NTN1: variants seen among roughly 807,000 people sequenced by gnomAD.
The protein encoded by NTN1 is netrin 1, also known as netrin-1.
In NTN1, 11 loss-of-function variants were observed where a neutral mutation model predicts 54.2. The ratio of observed to expected loss-of-function variants is 0.20; its 90% confidence interval spans 0.13 to 0.34. The LOEUF (loss-of-function observed/expected upper bound fraction) is 0.34. Among genes scored for constraint, NTN1 ranks in the 10% least tolerant of loss-of-function variants. The pLI, the probability that NTN1 is intolerant of heterozygous loss-of-function variation, is 1.00. For synonymous variants in NTN1, 371 were observed against 382.0 expected (o/e 0.97, Z 0.33); for missense variants, 740 against 893.1 (o/e 0.83, Z 2.18).
intron 2 of NTN1, among the ~76,000 whole-genome samples, chr17:9,085,896 A>G (rs1043806509): frequency 1.3e-5 from 2 of 152,186 alleles, no homozygotes; most frequent in Non-Finnish European, 2.9e-5. Context: ...AGAGGGGCGC[A>G]CGTGGGGAGA....
intron 5 of NTN1, among the ~76,000 whole-genome samples, chr17:9,220,731 G>A (rs1905317503): frequency 6.6e-6 from 1 of 152,060 alleles, no homozygotes; most frequent in Non-Finnish European, 1.5e-5. Context: ...GTTGAGGCCT[G>A]ACCCCAGCCA....
In NTN1 at chr17:9,212,642, T is replaced by A. The variant is rs1026853537; in HGVS notation, c.1412-8526T>A. ...CAGGGAGAACCAGGGGCTCCTCCCC[T>A]ACGCCCAGCCCTTGGCGTCTGCAAC... On this transcript the variant is annotated intron_variant, in intron 5 of 6. Transcript: ENST00000173229. The surrounding 1 kb of genome is among the most constrained non-coding windows in gnomAD (Gnocchi z 5.5). Among the ~76,000 whole-genome samples, 2 of 152,202 alleles carry A rather than the reference T, an allele frequency of 1.3e-5. No homozygotes were observed. Among genetic ancestry groups the A allele is most frequent in the Non-Finnish European group, 2.9e-5 (2 of 68,022 alleles).
intron 2 of NTN1, among the ~76,000 whole-genome samples, chr17:9,045,465 C>T (rs1021638148): frequency 5.3e-5 from 8 of 152,228 alleles, no homozygotes; most frequent in Non-Finnish European, 1.0e-4. Context: ...CCTACAGAAA[C>T]GGGCAGGCGA....
intron 2 of NTN1, among the ~76,000 whole-genome samples, chr17:9,094,335 C>G (rs1333926975): frequency 6.6e-6 from 1 of 151,958 alleles, no homozygotes; most frequent in African/African-American, 2.4e-5. Context: ...ATTCTTGGAG[C>G]TAAACCTCTG....
At position 9,204,410 on chromosome 17, in the gene NTN1, C is replaced by CA. The variant is rs1174147505; in HGVS notation, c.1412-16757dup. 2.0e-5 allele frequency among the ~76,000 whole-genome samples: 3 copies of CA among 152,270 alleles called. No individual in the cohort carries two copies. The East Asian group carries it at 5.8e-4, about 29-fold the overall frequency. ...CTGGGTTCAAGTGATTCTTCTGCCT[C>CA]AGCCTTCTGAGTAGCTGGGACTACA... is the stretch of plus-strand genomic sequence containing the variant. On this transcript the variant is annotated intron_variant, in intron 5 of 6. Transcript: ENST00000173229.
chr17:9,166,117 TC>T (rs2092372207), intron 3 of NTN1, among the ~76,000 whole-genome samples: 1 of 151,174 alleles, frequency 6.6e-6, no homozygotes, highest in Non-Finnish European at 1.5e-5. Flanking sequence ...ACCCTTGAGA[TC>T]TTCAAACAGG....
intron 2 of NTN1, among the ~76,000 whole-genome samples, chr17:9,047,795 A>G (rs890720680): frequency 5.9e-5 from 9 of 152,000 alleles, no homozygotes; most frequent in African/African-American, 7.3e-5. Flanking sequence ...CCTGGGTTCA[A>G]GGGATTCTCC....
chr17:9,093,186 C>T (rs186528651), intron 2 of NTN1, among the ~76,000 whole-genome samples: 105 of 152,350 alleles, frequency 6.9e-4, no homozygotes, highest in Non-Finnish European at 1.2e-3. Flanking sequence ...AGCCACCATA[C>T]CGGCCTGATA....
At chr17:9,200,048 T>TAACC (rs1275074504) in intron 5 of NTN1, among the ~76,000 whole-genome samples, 1 of 152,222 alleles carries the variant, frequency 6.6e-6, no homozygotes, top group Non-Finnish European at 1.5e-5. Flanking sequence ...GGCATTGGCT[T>TAACC]AACCAGCCAA....
intron 2 of NTN1, among the ~76,000 whole-genome samples, chr17:9,126,656 G>T (rs932984148): frequency 6.6e-6 from 1 of 152,166 alleles, no homozygotes; most frequent in Non-Finnish European, 1.5e-5. Context: ...TGTTGGGGAA[G>T]GTTCTGGAAA....
intron 2 of NTN1, among the ~76,000 whole-genome samples, chr17:9,044,923 A>G (rs2091936731): frequency 6.6e-6 from 1 of 152,230 alleles, no homozygotes; most frequent in Non-Finnish European, 1.5e-5. Flanking sequence ...AGAGTACATT[A>G]TACACAAAGC....
At chr17:9,210,232 C>T (rs912056769) in intron 5 of NTN1, among the ~76,000 whole-genome samples, 2 of 151,998 alleles carry the variant, frequency 1.3e-5, no homozygotes, top group African/African-American at 4.8e-5. Flanking sequence ...TGCTTGGAAC[C>T]CTCTTCCCTC....
intron 2 of NTN1, among the ~76,000 whole-genome samples, chr17:9,093,700 G>A (rs995603053): frequency 6.6e-6 from 1 of 152,304 alleles, no homozygotes; most frequent in Non-Finnish European, 1.5e-5. Flanking sequence ...TTGGCTGGGC[G>A]CGGTGGCTCA....
intron 2 of NTN1, among the ~76,000 whole-genome samples, chr17:9,042,112 G>A (rs1280562928): frequency 1.3e-5 from 2 of 151,936 alleles, no homozygotes; most frequent in Non-Finnish European, 2.9e-5. Context: ...GAACCCACCA[G>A]CAACATATGG....
At chr17:9,203,014 C>A (rs997747120) in intron 5 of NTN1, among the ~76,000 whole-genome samples, 17 of 152,154 alleles carry the variant, frequency 1.1e-4, no homozygotes, top group African/African-American at 4.1e-4. Context: ...CTCCGCCTTC[C>A]GGGTTCACAC....
chr17:9,233,705 C>T (rs934739339), intron 6 of NTN1, among the ~76,000 whole-genome samples: 3 of 151,996 alleles, frequency 2.0e-5, no homozygotes, highest in Non-Finnish European at 4.4e-5. Flanking sequence ...TTGCCTTTGA[C>T]GGCCTGGTAA....
intron 2 of NTN1, among the ~76,000 whole-genome samples, chr17:9,064,539 C>T (rs1471295367): frequency 2.6e-5 from 4 of 152,196 alleles, no homozygotes. Flanking sequence ...TCCCCCATCC[C>T]CAATCAGTTC....
chr17:9,142,197 GAGA>G (rs2092300047), intron 2 of NTN1, among the ~76,000 whole-genome samples: 1 of 151,962 alleles, frequency 6.6e-6, no homozygotes, highest in South Asian at 2.1e-4. Flanking sequence ...GCTGAGGTGG[GAGA>G]ATCACTTGAA....
intron 2 of NTN1, among the ~76,000 whole-genome samples, chr17:9,083,216 A>G (rs2142226032): frequency 6.6e-6 from 1 of 152,248 alleles, no homozygotes; most frequent in Non-Finnish European, 1.5e-5. Flanking sequence ...CTCCTGCCTC[A>G]GCCTCCTGAG....
Sources: allele counts gnomAD v4.1 joint callset (sites outside exome capture counted in the v4.1 genomes callset), GRCh38; gene constraint gnomAD v4.1.1; non-coding constraint Gnocchi (gnomAD v3.1); transcripts MANE v1.5; gene names NCBI Gene and HGNC (gene_info 2026-07-23, HGNC 2026-07-21).